MAN1A1: variants seen among roughly 807,000 people sequenced by gnomAD.
The protein encoded by MAN1A1 is mannosyl-oligosaccharide 1,2-alpha-mannosidase IA.
Under a neutral mutation model 70.8 loss-of-function variants are expected in MAN1A1, and 29 were observed. The observed-to-expected ratio is 0.41, with a 90% CI of 0.31 to 0.56. The LOEUF (loss-of-function observed/expected upper bound fraction) is 0.56. Ranked by LOEUF, MAN1A1 falls within the 20% of genes least tolerant of loss-of-function variation. The pLI is 0.29. For missense variants in MAN1A1, 747 were observed against 841.3 expected, an observed-to-expected ratio of 0.89 and a Z score of 1.39; for synonymous variants, 349 against 330.1, an observed-to-expected ratio of 1.06 and a Z score of -0.62.
chr6:119,301,321 G>A (rs965231265), intron 4 of MAN1A1, among the ~76,000 whole-genome samples: 7 of 152,104 alleles, frequency 4.6e-5, no homozygotes, highest in Non-Finnish European at 8.8e-5. Flanking sequence ...CTGATAAGAC[G>A]TAGTCCTCCC....
chr6:119,291,112 C>G (rs1014320609), intron 4 of MAN1A1, among the ~76,000 whole-genome samples: 6 of 151,922 alleles, frequency 3.9e-5, no homozygotes, highest in Non-Finnish European at 7.4e-5. Context: ...GTGGGATGGA[C>G]CCGGTGGGAG....
intron 6 of MAN1A1, among the ~76,000 whole-genome samples, chr6:119,213,563 A>C (rs1205155156): frequency 6.6e-6 from 1 of 152,226 alleles, no homozygotes. Context: ...ACACCTTTAT[A>C]TAAAATATAG....
At chr6:119,271,624 C>T (rs759225537) in intron 5 of MAN1A1, among the ~76,000 whole-genome samples, 16 of 152,006 alleles carry the variant, frequency 1.1e-4, no homozygotes, top group Admixed American at 3.3e-4. Flanking sequence ...CTCAGCCTCC[C>T]GAGTAGCTGG....
chr6:119,240,802 CAATA>C (rs1774983627), intron 6 of MAN1A1, among the ~76,000 whole-genome samples: 1 of 152,180 alleles, frequency 6.6e-6, no homozygotes, highest in African/African-American at 2.4e-5. Context: ...TGTCCACTTG[CAATA>C]AATAAATGTC....
At position 119,186,659 on chromosome 6, in the gene MAN1A1, T is replaced by C. The variant is rs538236327; in HGVS notation, c.1719+1746A>G. Among the ~76,000 whole-genome samples the C allele has an allele frequency of 1.6e-4, 25 of 152,174 alleles. 1 individual carries two copies. The highest frequency in any genetic ancestry group is 2.8e-4 in the Non-Finnish European group (19 of 68,026). On this transcript the variant is annotated intron_variant, in intron 11 of 12. Coordinates refer to ENST00000368468, the MANE Select transcript of MAN1A1 (RefSeq NM_005907.4). The stretch of plus-strand genomic sequence containing the variant: ...CTAGGGAAAAGCTCTTCCACCTTCT[T>C]TTCCTGACATGGTTTCCAGCTGTGG...
chr6:119,266,051 C>T (rs894490693), intron 5 of MAN1A1, among the ~76,000 whole-genome samples: 4 of 151,904 alleles, frequency 2.6e-5, no homozygotes, highest in African/African-American at 9.7e-5. Context: ...TAGATATAAA[C>T]GTAACAAAAT....
At chr6:119,184,427 A>C (rs1205078361) in intron 11 of MAN1A1, among the ~76,000 whole-genome samples, 2 of 152,198 alleles carry the variant, frequency 1.3e-5, no homozygotes, top group African/African-American at 4.8e-5. Context: ...AGAGGACAGA[A>C]GAGTATTCTC....
chr6:119,295,774 G>A (rs1348895128), intron 4 of MAN1A1, among the ~76,000 whole-genome samples: 1 of 152,082 alleles, frequency 6.6e-6, no homozygotes, highest in Non-Finnish European at 1.5e-5. Context: ...TGAATTATGA[G>A]CCTGGGGTAC....
At chr6:119,342,450 T>C (rs901490360) in intron 2 of MAN1A1, among the ~76,000 whole-genome samples, 3 of 152,190 alleles carry the variant, frequency 2.0e-5, no homozygotes, top group Non-Finnish European at 4.4e-5. Context: ...TGCTTTACTA[T>C]CACATTTAAG....
intron 6 of MAN1A1, among the ~76,000 whole-genome samples, chr6:119,222,301 A>G (rs1435546395): frequency 7.0e-6 from 1 of 143,534 alleles, no homozygotes; most frequent in Non-Finnish European, 1.5e-5. Flanking sequence ...TTATTATAGT[A>G]TCTTTCATCT....
chr6:119,301,076 C>T (rs6911427), intron 4 of MAN1A1, among the ~76,000 whole-genome samples: 57,121 of 151,694 alleles, frequency 0.38, 11,166 homozygotes, highest in Non-Finnish European at 0.41. Flanking sequence ...ACTTTCAACA[C>T]ACAGCATGTT....
chr6:119,206,686 C>T lies in MAN1A1; in HGVS notation c.993-1804G>A, dbSNP rs553263221. Among the ~76,000 whole-genome samples, 197 of 152,280 alleles carry T rather than the reference C, an allele frequency of 1.3e-3. 1 individual carries two copies. The highest frequency in any genetic ancestry group is 4.7e-3 in the African/African-American group (194 of 41,544). On this transcript the variant is annotated intron_variant, in intron 6 of 12. Coordinates refer to ENST00000368468, the MANE Select transcript of MAN1A1 (RefSeq NM_005907.4). ...CCAATCATCCAAATAGGATGAATAG[C>T]TACTTTCAAAGTTTACTAACATATG...
intron 6 of MAN1A1, among the ~76,000 whole-genome samples, chr6:119,240,027 T>C (rs1288755145): frequency 6.6e-6 from 1 of 152,222 alleles, no homozygotes; most frequent in Non-Finnish European, 1.5e-5. Context: ...ATAATTGTCC[T>C]TACATGAAAT....
Position 119,179,877 on chromosome 6 carries a change from G to A in MAN1A1, c.1904C>T (p.Ala635Val). ...PLEHWIFNSE[A>V]HLLPILPKDK... ...TTTAGGGAGGATAGGGAGAAGATGTGCCTCGCTATTGAAGATCCAATGCTC... is the reference window on the plus strand; with the variant it reads ...TTTAGGGAGGATAGGGAGAAGATGTACCTCGCTATTGAAGATCCAATGCTC... Residue 635 changes from alanine (A) to valine (V), a missense_variant, in exon 13 of 13, where the codon GCA becomes GTA. Ala to Val is a moderately conservative substitution (Grantham distance 64, BLOSUM62 0). Transcript: ENST00000368468. The A allele has an allele frequency of 6.2e-7, 1 of 1,612,156 alleles. No homozygotes were observed. The highest frequency in any genetic ancestry group is 8.5e-7 in the Non-Finnish European group (1 of 1,178,300).
intron 2 of MAN1A1, among the ~76,000 whole-genome samples, chr6:119,347,591 C>G (rs1283117673): frequency 6.6e-6 from 1 of 152,182 alleles, no homozygotes; most frequent in Non-Finnish European, 1.5e-5. Flanking sequence ...AAGTTCGGAC[C>G]TCGGGCTTCA....
intron 4 of MAN1A1, among the ~76,000 whole-genome samples, chr6:119,301,348 G>C (rs1772383762): frequency 6.6e-6 from 1 of 152,136 alleles, no homozygotes; most frequent in Non-Finnish European, 1.5e-5. Flanking sequence ...AAATTATCAA[G>C]AAGTATTAGA....
chr6:119,325,610 T>G (rs1460166260), intron 2 of MAN1A1, among the ~76,000 whole-genome samples: 1 of 151,988 alleles, frequency 6.6e-6, no homozygotes, highest in African/African-American at 2.4e-5. Context: ...TGAGTTGAGA[T>G]TGCACCACTG....
chr6:119,309,697 C>G (rs75983251), intron 2 of MAN1A1, among the ~76,000 whole-genome samples: 8,754 of 152,190 alleles, frequency 0.058, 358 homozygotes, highest in Non-Finnish European at 0.085. Context: ...TTCCTGAATA[C>G]GTATATTTGC....
intron 6 of MAN1A1, among the ~76,000 whole-genome samples, chr6:119,216,242 C>T (rs542348760): frequency 6.6e-6 from 1 of 152,274 alleles, no homozygotes; most frequent in South Asian, 2.1e-4. Flanking sequence ...TTCTAAAGTT[C>T]ACTCTGGATA....
Sources: gnomAD v4.1 joint callset for allele counts (sites outside exome capture counted in the v4.1 genomes callset) on GRCh38, gnomAD v4.1.1 for gene constraint, MANE v1.5 for transcripts, NCBI Gene and HGNC (gene_info 2026-07-23, HGNC 2026-07-21) for gene names.